The following MCOLN2 variants were observed in gnomAD, a reference collection of about 807,000 sequenced individuals.
MCOLN2 encodes the protein mucolipin-2.
Under a neutral mutation model 67.5 loss-of-function variants are expected in MCOLN2, and 57 were observed. That is an observed-to-expected ratio of 0.84 (90% CI 0.68 to 1.05). The LOEUF is 1.05. MCOLN2 is among the 50% of genes least tolerant of loss of function. The probability of loss-of-function intolerance (pLI) is 0.00; values close to 1 mark genes in which losing one functional copy is unlikely to be tolerated. For missense variants in MCOLN2, 620 were observed against 678.8 expected (o/e 0.91, Z 0.96); for synonymous variants, 246 against 233.3 (o/e 1.05, Z -0.50).
At chr1:84,987,661 T>C (rs1383714688) in intron 1 of MCOLN2, among the ~76,000 whole-genome samples, 1 of 144,344 alleles carries the variant, frequency 6.9e-6, no homozygotes, top group Admixed American at 7.0e-5. Context: ...TACATACATA[T>C]GTATATATGT....
At chr1:84,971,071 A>G (rs1649655847) in intron 1 of MCOLN2, among the ~76,000 whole-genome samples, 1 of 152,238 alleles carries the variant, frequency 6.6e-6, no homozygotes, top group African/African-American at 2.4e-5. Context: ...CTATCCTTCC[A>G]TAATTGTTTC....
intron 1 of MCOLN2, among the ~76,000 whole-genome samples, chr1:84,987,185 TATC>T (rs1334203690): frequency 8.6e-6 from 1 of 116,854 alleles, no homozygotes; most frequent in Non-Finnish European, 1.9e-5. Flanking sequence ...CATATCTATC[TATC>T]TATCTATCTA....
Position 84,997,072 on chromosome 1 carries a change from T to A in MCOLN2, c.-200A>T. The A allele has an allele frequency of 1.7e-6, 1 of 590,876 alleles. No homozygotes were observed. The highest frequency in any genetic ancestry group is 2.9e-5 in the East Asian group (1 of 34,920). The allele number at this position is 590,876 out of a possible 1,614,324, so 36.6% of individuals were successfully genotyped here. A position where few individuals can be genotyped will look rare whatever the true frequency, so the allele number is the denominator to read the frequency against. ...GAGAGCAGGCGCCGCAGTCGTGGAGTGCGGCGGGCAGTTCTCGGGCGGCTG... is the reference window on the plus strand; with the variant it reads ...GAGAGCAGGCGCCGCAGTCGTGGAGAGCGGCGGGCAGTTCTCGGGCGGCTG... On this transcript the variant is annotated 5_prime_UTR_variant, in exon 1 of 14. Transcript: ENST00000370608.
intron 1 of MCOLN2, among the ~76,000 whole-genome samples, chr1:84,986,154 C>A (rs1650494720): frequency 1.3e-5 from 2 of 152,166 alleles, no homozygotes; most frequent in African/African-American, 4.8e-5. Flanking sequence ...TTACAGCCAA[C>A]TAATCTTCGA....
At chr1:84,991,091 T>C (rs1473297992) in intron 1 of MCOLN2, among the ~76,000 whole-genome samples, 1 of 152,208 alleles carries the variant, frequency 6.6e-6, no homozygotes, top group East Asian at 1.9e-4. Flanking sequence ...ATTTTTTTCA[T>C]TTTTGGTGGT....
chr1:84,956,632 T>C, intron 3 of MCOLN2, 48 bp from the exon 4 acceptor site: 1 of 1,488,618 alleles, frequency 6.7e-7, no homozygotes, highest in Non-Finnish European at 9.0e-7. Context: ...TTTTATAACT[T>C]TGATCAGAGG....
At chr1:84,927,434 G>C (rs1477080007) in intron 13 of MCOLN2, among the ~76,000 whole-genome samples, 1 of 152,184 alleles carries the variant, frequency 6.6e-6, no homozygotes, top group Non-Finnish European at 1.5e-5. Context: ...TTTAGAACTG[G>C]AAGAGGTTTC....
intron 11 of MCOLN2, among the ~76,000 whole-genome samples, chr1:84,932,288 T>C (rs1335595971): frequency 6.6e-6 from 1 of 152,172 alleles, no homozygotes; most frequent in Non-Finnish European, 1.5e-5. Flanking sequence ...CCCAGCTCAC[T>C]GCAACCTCTG....
At chr1:84,968,515 A>G (rs995952958) in intron 1 of MCOLN2, among the ~76,000 whole-genome samples, 20 of 152,234 alleles carry the variant, frequency 1.3e-4, no homozygotes, top group Admixed American at 7.2e-4. Flanking sequence ...AAACAGAAAC[A>G]GGACTAAGCA....
intron 4 of MCOLN2, among the ~76,000 whole-genome samples, chr1:84,952,793 G>GA (rs1475010123): frequency 2.0e-5 from 3 of 152,206 alleles, no homozygotes; most frequent in Non-Finnish European, 4.4e-5. Context: ...ACAATGAACT[G>GA]AGAAGCATAT....
At chr1:84,934,059 T>C (rs941662169) in intron 11 of MCOLN2, among the ~76,000 whole-genome samples, 3 of 152,314 alleles carry the variant, frequency 2.0e-5, no homozygotes, top group South Asian at 2.1e-4. Flanking sequence ...GCTTCCAGTC[T>C]AGAAGGACCA....
intron 1 of MCOLN2, among the ~76,000 whole-genome samples, chr1:84,989,807 T>C (rs1650794753): frequency 6.6e-6 from 1 of 152,126 alleles, no homozygotes; most frequent in Non-Finnish European, 1.5e-5. Flanking sequence ...CTCCAGACTA[T>C]TAAGAAAAAG....
Position 84,939,673 on chromosome 1 carries a change from G to A in MCOLN2, c.990C>T (p.Tyr330=). ...GGTCGGTGTCACACACAGGCCGCTT[G>A]TACTTCTCCAGGAAGAAATTTAGAA... The part of the protein sequence containing the change: ...KRFLNFFLEK[Y]KRPVCDTDQW... The change falls in exon 9 of 14, where the codon TAC becomes TAT. Residue 330 remains tyrosine, a synonymous_variant. Coordinates refer to ENST00000370608, the MANE Select transcript of MCOLN2 (RefSeq NM_153259.4). 1 of 1,614,042 alleles carries A rather than the reference G, an allele frequency of 6.2e-7. No homozygotes were observed. Among genetic ancestry groups the A allele is most frequent in the Non-Finnish European group, 8.5e-7 (1 of 1,179,956 alleles).
chr1:84,964,178 C>T (rs544604658), intron 2 of MCOLN2, among the ~76,000 whole-genome samples: 2 of 152,268 alleles, frequency 1.3e-5, no homozygotes, highest in African/African-American at 2.4e-5. Flanking sequence ...TTTGAAGTAA[C>T]TTGCTTTCCC....
chr1:84,976,263 G>T lies in MCOLN2; in HGVS notation c.78-10555C>A, dbSNP rs180817455. On this transcript the variant is annotated intron_variant, in intron 1 of 13. Coordinates refer to ENST00000370608, the MANE Select transcript of MCOLN2 (RefSeq NM_153259.4). ...AATAATCAGACTCCTAAAGATCAAG[G>T]TTAAAGAATGGATCCTAAAAGCAGC... Among the ~76,000 whole-genome samples, 24 of 150,020 alleles carry T rather than the reference G, an allele frequency of 1.6e-4. No individual in the cohort carries two copies. In the East Asian group the frequency reaches 4.6e-3, roughly 29 times the overall value.
rs1459596076 is a variant in MCOLN2, at chr1:84,929,817, T to C, written c.1543-138A>G. On this transcript the variant is annotated intron_variant, in intron 12 of 13. Transcript: ENST00000370608. ...CAGATCCAAGAACTGATATTTACAA[T>C]GATGAATCAATCTGTCAGTCCCAGA... The C allele has an allele frequency of 5.6e-6, 4 of 715,680 alleles. No homozygotes were observed. The East Asian group carries it at 8.9e-5, about 16-fold the overall frequency. The allele number at this position is 715,680 out of a possible 1,614,324, so 44.3% of individuals were successfully genotyped here. A position where few individuals can be genotyped will look rare whatever the true frequency, so the allele number is the denominator to read the frequency against.
At position 84,996,835 on chromosome 1, in the gene MCOLN2, A is replaced by C. The variant is rs764126212; in HGVS notation, c.38T>G (p.Ile13Ser). ...GAAAACACCTGATCCTCTCTCCGGA[A>C]TCCTTGCCTGGGGAAAACGATAAGG... Reference protein sequence around the residue: ...RQPYRFPQARIPERGSGVFRL... With the variant: ...RQPYRFPQARSPERGSGVFRL... The change falls in exon 1 of 14, where the codon ATT becomes AGT. Residue 13 changes from isoleucine to serine, a missense_variant. Transcript: ENST00000370608. The C allele has an allele frequency of 1.1e-4, 177 of 1,613,974 alleles. No homozygotes were observed. In the South Asian group the frequency reaches 1.7e-3, roughly 16 times the overall value.
At chr1:84,945,949 A>G (rs1163339946) in intron 7 of MCOLN2, among the ~76,000 whole-genome samples, 1 of 152,066 alleles carries the variant, frequency 6.6e-6, no homozygotes, top group Non-Finnish European at 1.5e-5. Flanking sequence ...CGGTTTTGTC[A>G]TGTTGACCAG....
intron 1 of MCOLN2, among the ~76,000 whole-genome samples, chr1:84,981,388 A>G (rs1048513032): frequency 6.6e-6 from 1 of 152,244 alleles, no homozygotes; most frequent in African/African-American, 2.4e-5. Flanking sequence ...CACAATAGCT[A>G]AGATTTGGAA....
Sources: allele counts gnomAD v4.1 joint callset (sites outside exome capture counted in the v4.1 genomes callset), GRCh38; gene constraint gnomAD v4.1.1; transcripts MANE v1.5; gene names NCBI Gene and HGNC (gene_info 2026-07-23, HGNC 2026-07-21).